Variants in ITGAE observed in about 807,000 individuals in gnomAD.
The protein encoded by ITGAE is integrin subunit alpha E.
Under a neutral mutation model 136.5 loss-of-function variants are expected in ITGAE, and 99 were observed. The ratio of observed to expected loss-of-function variants is 0.73; its 90% CI spans 0.62 to 0.86. The LOEUF (loss-of-function observed/expected upper bound fraction) is 0.86, where lower values mean the gene tolerates loss of function less well. Ranked by LOEUF, ITGAE falls within the 40% of genes least tolerant of loss-of-function variation. The probability of loss-of-function intolerance (pLI) is 0.00; values close to 1 mark genes in which losing one functional copy is unlikely to be tolerated. For synonymous variants in ITGAE, 613 were observed against 591.8 expected, an observed-to-expected ratio of 1.04 and a Z score of -0.52; for missense variants, 1,447 against 1,515.3, an observed-to-expected ratio of 0.95 and a Z score of 0.75.
chr17:3,749,634 A>C (rs1405528138), intron 16 of ITGAE, among the ~76,000 whole-genome samples: 1 of 152,162 alleles, frequency 6.6e-6, no homozygotes, highest in Non-Finnish European at 1.5e-5. Flanking sequence ...GCAAGTCTGC[A>C]GCTTGGAGAG....
At chr17:3,742,349 G>A (rs1366683169) in intron 19 of ITGAE, among the ~76,000 whole-genome samples, 1 of 151,874 alleles carries the variant, frequency 6.6e-6, no homozygotes, top group Admixed American at 6.6e-5. Flanking sequence ...AATAAAGTTT[G>A]TAAATTAGAT....
At chr17:3,718,278 C>T (rs2050979970) in intron 29 of ITGAE, 1 of 152,260 alleles carries the variant, frequency 6.6e-6, no homozygotes, top group Admixed American at 6.5e-5. Context: ...ACTGTTTCAT[C>T]CCTGAAAAGG....
At chr17:3,780,234 G>A (rs1475586024) in intron 1 of ITGAE, among the ~76,000 whole-genome samples, 1 of 150,796 alleles carries the variant, frequency 6.6e-6, no homozygotes, top group Admixed American at 6.6e-5. Context: ...GCAGAGGCGA[G>A]ATCTCAGCTC....
intron 21 of ITGAE, 130 bp from the exon 22 acceptor site, chr17:3,732,596 G>T (rs1240912326): frequency 1.4e-6 from 1 of 725,782 alleles, no homozygotes; most frequent in Non-Finnish European, 2.4e-6. Context: ...AGGAGCTAAA[G>T]AAATAAAGTC....
rs778512415 is a variant in ITGAE, at chr17:3,763,910, C to A, written c.206G>T (p.Arg69Leu). ...GATTTCATCCTGGACAAGGGAACAT[C>A]GATGGAGGGGCCCTGGTGTCCTCTT... ...RTKRTPGPLH[R>L]CSLVQDEILC... The change falls in exon 3 of 31, where the codon CGA becomes CTA. Residue 69 changes from arginine to leucine, a missense_variant. Around this residue, in one of 3 missense-constraint regions of ITGAE, gnomAD observed 106 missense variants for 87.8 expected, o/e 1.21. Coordinates refer to ENST00000263087, the MANE Select transcript of ITGAE (RefSeq NM_002208.5). 33 of 1,613,688 alleles carry A rather than the reference C, an allele frequency of 2.0e-5. No homozygotes were observed. The highest frequency in any genetic ancestry group is 2.8e-5 in the Non-Finnish European group (33 of 1,179,934).
At position 3,798,223 on chromosome 17, in the gene ITGAE, C is replaced by T. The variant is rs1404606655; in HGVS notation, c.34+2888G>A. 1.3e-5 allele frequency among the ~76,000 whole-genome samples: 2 copies of T among 152,190 alleles called. No individual in the cohort carries two copies. The highest frequency in any genetic ancestry group is 2.4e-5 in the African/African-American group (1 of 41,446). On this transcript the variant is annotated intron_variant, in intron 1 of 30. Coordinates refer to ENST00000263087, the MANE Select transcript of ITGAE (RefSeq NM_002208.5). This position sits in a 1 kb window ranked among gnomAD's most constrained non-coding sequence, Gnocchi z 4.3. Reference sequence around the variant, plus strand: ...GCCTGGAGTGCCCCTTCCCTACCCCCGTGCTGTGACACCCTGCCGGGGCCG... The same window carrying T: ...GCCTGGAGTGCCCCTTCCCTACCCCTGTGCTGTGACACCCTGCCGGGGCCG...
At chr17:3,776,131 C>A (rs2052534104) in intron 2 of ITGAE, among the ~76,000 whole-genome samples, 1 of 140,744 alleles carries the variant, frequency 7.1e-6, no homozygotes, top group Admixed American at 7.6e-5. Context: ...GATCTTGGCT[C>A]ACTGCAACCT....
At chr17:3,734,709 G>A (rs2051422645) in intron 21 of ITGAE, 108 bp downstream of exon 21, 3 of 1,350,698 alleles carry the variant, frequency 2.2e-6, no homozygotes, top group Non-Finnish European at 3.1e-6. Context: ...GTTGGACCAG[G>A]AGGAGGCTGG....
At chr17:3,781,858 G>A (rs2052674143) in intron 1 of ITGAE, among the ~76,000 whole-genome samples, 1 of 152,038 alleles carries the variant, frequency 6.6e-6, no homozygotes, top group South Asian at 2.1e-4. Flanking sequence ...GCCTCTGTCA[G>A]GACTCAGCTC....
chr17:3,784,272 T>C (rs2052733929), intron 1 of ITGAE: 1 of 340,720 alleles, frequency 2.9e-6, no homozygotes, highest in Non-Finnish European at 5.5e-6. Flanking sequence ...AAAAATAAAA[T>C]AAAATAAAAA....
At chr17:3,763,761 G>A (rs1166929151) in intron 3 of ITGAE, 108 bp downstream of exon 3, 33 of 865,632 alleles carry the variant, frequency 3.8e-5, no homozygotes, top group Admixed American at 2.3e-4. Context: ...AGGGGTGAAC[G>A]GGCTGGATGA....
chr17:3,798,041 C>G lies in ITGAE; in HGVS notation c.34+3070G>C, dbSNP rs954171100. ...CGTGGGCCTCTCGGGACTGGATGCCCGCATTCCTCCACTTATACCACACCT... is the reference window on the plus strand; with the variant it reads ...CGTGGGCCTCTCGGGACTGGATGCCGGCATTCCTCCACTTATACCACACCT... On this transcript the variant is annotated intron_variant, in intron 1 of 30. Transcript: ENST00000263087. The surrounding 1 kb of genome is among the most constrained non-coding windows in gnomAD (Gnocchi z 4.3). Among the ~76,000 whole-genome samples the G allele has an allele frequency of 6.6e-6, 1 of 152,162 alleles. No individual in the cohort carries two copies. Among genetic ancestry groups the G allele is most frequent in the African/African-American group, 2.4e-5 (1 of 41,434 alleles).
intron 26 of ITGAE, among the ~76,000 whole-genome samples, chr17:3,727,537 C>T (rs2051242274): frequency 6.6e-6 from 1 of 151,902 alleles, no homozygotes; most frequent in Non-Finnish European, 1.5e-5. Context: ...GTAGCTGGGA[C>T]TACAGGCGCC....
chr17:3,795,682 A>G lies in ITGAE; in HGVS notation c.34+5429T>C, dbSNP rs930104655. Among the ~76,000 whole-genome samples the G allele has an allele frequency of 3.9e-5, 6 of 152,358 alleles. No individual in the cohort carries two copies. The East Asian group carries it at 1.2e-3, about 29-fold the overall frequency. On this transcript the variant is annotated intron_variant, in intron 1 of 30. Transcript: ENST00000263087. ...CACTGCTCCTGCCGTGCGGCGGCTC[A>G]CTGAGCTGGAGCAGGGCTCTGCTTA...
chr17:3,759,442 C>T lies in ITGAE; in HGVS notation c.826G>A (p.Gly276Arg). The T allele has an allele frequency of 6.2e-7, 1 of 1,614,198 alleles. No homozygotes were observed. The highest frequency in any genetic ancestry group is 8.5e-7 in the Non-Finnish European group (1 of 1,180,032). ...GCTGAGGCAGTCTTGGTGACACTCC[C>T]CACTTGAGTGATGTTCTGGACTCTG... ...LARVQNITQV[G>R]SVTKTASAMQ... The change falls in exon 8 of 31, where the codon GGG becomes AGG. Residue 276 changes from glycine to arginine, a missense_variant. Around this residue, in one of 3 missense-constraint regions of ITGAE, gnomAD observed 310 missense variants for 416.1 expected, o/e 0.74. Transcript: ENST00000263087.
At chr17:3,735,988 A>T (rs2051451063) in intron 20 of ITGAE, among the ~76,000 whole-genome samples, 1 of 152,210 alleles carries the variant, frequency 6.6e-6, no homozygotes, top group Non-Finnish European at 1.5e-5. Flanking sequence ...TACTAAAAAT[A>T]CAAAAAGTAG....
intron 14 of ITGAE, among the ~76,000 whole-genome samples, chr17:3,752,251 G>T (rs1167048456): frequency 6.6e-6 from 1 of 152,224 alleles, no homozygotes; most frequent in African/African-American, 2.4e-5. Context: ...CCATGGGCAG[G>T]GGTGCATTGC....
intron 1 of ITGAE, among the ~76,000 whole-genome samples, chr17:3,796,161 G>GCGCGCATCCGTGTGTGTGTGTT (rs1567565809): frequency 7.7e-5 from 6 of 77,968 alleles, no homozygotes; most frequent in African/African-American, 4.0e-4. Context: ...GTGTGTGTGT[G>GCGCGCATCCGTGTGTGTGTGTT]TGTGCATCCG....
intron 18 of ITGAE, among the ~76,000 whole-genome samples, chr17:3,743,922 C>A (rs931049801): frequency 6.6e-5 from 10 of 151,320 alleles, no homozygotes. Flanking sequence ...AGGCTGGTCT[C>A]GAACTCCTGA....
Sources: gnomAD v4.1 joint callset for allele counts (sites outside exome capture counted in the v4.1 genomes callset) on GRCh38, gnomAD v4.1.1 for gene constraint, gnomAD v4.1.1 regional missense constraint, Gnocchi (gnomAD v3.1) non-coding constraint, MANE v1.5 for transcripts, NCBI Gene and HGNC (gene_info 2026-07-23, HGNC 2026-07-21) for gene names.